The following TUSC3 variants were observed in gnomAD, a reference collection of about 807,000 sequenced individuals.
TUSC3 encodes the protein tumor suppressor candidate 3.
TUSC3 carries 45 observed loss-of-function variants against 44.8 expected under a neutral mutation model. The observed-to-expected ratio is 1.00, with a 90% CI of 0.79 to 1.29. The LOEUF is 1.29. TUSC3 is among the 50% of genes most tolerant of loss of function. The pLI, the probability that TUSC3 is intolerant of heterozygous loss-of-function variation, is 0.00. For missense variants in TUSC3, 519 were observed against 437.9 expected (o/e 1.19, Z -1.65); for synonymous variants, 212 against 152.9 (o/e 1.39, Z -2.85).
intron 6 of TUSC3, among the ~76,000 whole-genome samples, chr8:15,694,493 G>A (rs1184886883): frequency 2.0e-5 from 3 of 151,002 alleles, no homozygotes; most frequent in Non-Finnish European, 2.9e-5. Context: ...CCATTTGGAG[G>A]TAAGAAGACA....
At chr8:15,457,741 T>C (rs898082112) in intron 1 of TUSC3, among the ~76,000 whole-genome samples, 13 of 148,246 alleles carry the variant, frequency 8.8e-5, no homozygotes, top group Non-Finnish European at 1.9e-4. Context: ...AAATATCTAA[T>C]AATTTAAAAT....
chr8:15,493,472 A>G (rs1220443872), intron 2 of TUSC3, among the ~76,000 whole-genome samples: 1 of 152,082 alleles, frequency 6.6e-6, no homozygotes, highest in Non-Finnish European at 1.5e-5. Context: ...TATGTTGCCC[A>G]AGCCGGTCTC....
chr8:15,696,180 G>A (rs538974651), intron 6 of TUSC3, among the ~76,000 whole-genome samples: 8 of 152,264 alleles, frequency 5.3e-5, no homozygotes, highest in Non-Finnish European at 8.8e-5. Context: ...AAATAGTTTC[G>A]TGGGCTGGGC....
At chr8:15,743,107 A>G (rs10111717) in intron 7 of TUSC3, among the ~76,000 whole-genome samples, 35,286 of 152,182 alleles carry the variant, frequency 0.23, 4,503 homozygotes, top group Non-Finnish European at 0.3. Flanking sequence ...AAAGATTTCA[A>G]CTAAACAAAA....
intron 2 of TUSC3, among the ~76,000 whole-genome samples, chr8:15,532,736 C>A (rs1005717981): frequency 6.6e-6 from 1 of 152,166 alleles, no homozygotes; most frequent in East Asian, 1.9e-4. Flanking sequence ...TGGGAGAAAA[C>A]TGATTCACGG....
chr8:15,477,641 G>C (rs988089589), intron 1 of TUSC3, among the ~76,000 whole-genome samples: 1 of 152,106 alleles, frequency 6.6e-6, no homozygotes, highest in Admixed American at 6.6e-5. Flanking sequence ...AGAATGGCGT[G>C]AACCAGGGAG....
chr8:15,777,261 T>TC, the TUSC3 span, among the ~76,000 whole-genome samples: 1 of 151,838 alleles, frequency 6.6e-6, no homozygotes, highest in Non-Finnish European at 1.5e-5. Context: ...TCTTGTAACT[T>TC]CCCCCCCACC....
At position 15,489,182 on chromosome 8, in the gene TUSC3, T is replaced by TA. The variant is rs564645206; in HGVS notation, n.189+5701dup. Among the ~76,000 whole-genome samples, 1,005 of 152,240 alleles carry TA rather than the reference T, an allele frequency of 6.6e-3. 7 individuals are homozygous for TA. Among genetic ancestry groups the TA allele is most frequent in the Non-Finnish European group, 0.011 (724 of 68,012 alleles). On this transcript the variant is annotated intron_variant and non_coding_transcript_variant, in intron 2 of 5. Transcript: ENST00000503191. ...CCAGGTATGCATCAGTCAATACCTG[T>TA]AAGGTCTACATTGGTTCAGTCGGGA...
At chr8:15,451,806 T>G (rs973851066) in intron 1 of TUSC3, among the ~76,000 whole-genome samples, 1 of 152,028 alleles carries the variant, frequency 6.6e-6, no homozygotes, top group Non-Finnish European at 1.5e-5. Context: ...GTGTCTGAGT[T>G]GAGTTAAATG....
At chr8:15,847,753 A>G in the TUSC3 span, among the ~76,000 whole-genome samples, 1 of 152,132 alleles carries the variant, frequency 6.6e-6, no homozygotes, top group Non-Finnish European at 1.5e-5. Context: ...AATTTTCAAT[A>G]TATCTGCTTT....
upstream of TUSC3, among the ~76,000 whole-genome samples, chr8:15,536,757 A>C (rs1223255860): frequency 7.1e-6 from 1 of 141,802 alleles, no homozygotes; most frequent in Non-Finnish European, 1.5e-5. Flanking sequence ...GGAGTCTTGC[A>C]TTATGCCTGT....
At chr8:15,455,412 C>CATACACACCTATGTATACACGTATATGT (rs1325808546) in intron 1 of TUSC3, among the ~76,000 whole-genome samples, 48 of 151,938 alleles carry the variant, frequency 3.2e-4, no homozygotes, top group African/African-American at 1.0e-3. Flanking sequence ...TATATATACA[C>CATACACACCTATGTATACACGTATATGT]ATACACACCT....
rs193090948 is a variant in TUSC3 at position 15,679,978 on chromosome 8, G to A, written c.798+6142G>A. ...TTTGTACCAATACCATGCTGTTTTG[G>A]TTACTGTTGCTTTGTAGTATAGTTT... is the stretch of plus-strand genomic sequence containing the variant. On this transcript the variant is annotated intron_variant, in intron 6 of 10. Transcript: ENST00000503731. 3.9e-5 allele frequency among the ~76,000 whole-genome samples: 6 copies of A among 152,182 alleles called. No individual in the cohort carries two copies. The East Asian group carries it at 5.8e-4, about 15-fold the overall frequency.
chr8:15,473,041 T>C (rs1426765786), intron 1 of TUSC3, among the ~76,000 whole-genome samples: 1 of 152,222 alleles, frequency 6.6e-6, no homozygotes, highest in Non-Finnish European at 1.5e-5. Context: ...TAACAATATA[T>C]GCTGCCTTCA....
At chr8:15,738,827 C>CTTTTTTTTTTCTTTCTTTCTT (rs1373248681) in intron 7 of TUSC3, among the ~76,000 whole-genome samples, 13 of 87,202 alleles carry the variant, frequency 1.5e-4, no homozygotes, top group Admixed American at 7.7e-4. Context: ...ATATATCTTG[C>CTTTTTTTTTTCTTTCTTTCTT]TTTTTTTTTT....
intron 2 of TUSC3, among the ~76,000 whole-genome samples, chr8:15,639,257 T>A (rs1267192978): frequency 6.6e-6 from 1 of 151,980 alleles, no homozygotes; most frequent in Non-Finnish European, 1.5e-5. Context: ...GATGATCATG[T>A]GTCGATGCTA....
chr8:15,585,338 C>G (rs2129148387), intron 1 of TUSC3, among the ~76,000 whole-genome samples: 2 of 152,264 alleles, frequency 1.3e-5, no homozygotes, highest in South Asian at 4.1e-4. Context: ...CAATGCACCA[C>G]AATGTAGCAG....
At chr8:15,816,008 A>G in the TUSC3 span, among the ~76,000 whole-genome samples, 4 of 152,136 alleles carry the variant, frequency 2.6e-5, no homozygotes, top group African/African-American at 9.7e-5. Flanking sequence ...AAGGAGGAAG[A>G]GGTACTAGAT....
intron 2 of TUSC3, among the ~76,000 whole-genome samples, chr8:15,504,596 TATATATATATATATATATATATA>T (rs1263910173): frequency 4.6e-5 from 1 of 21,706 alleles, no homozygotes; most frequent in Admixed American, 4.2e-4. Context: ...TATATATATA[TATATATATATATATATATATATA>T]TATTTTTTTT....
Sources: allele counts gnomAD v4.1 joint callset (sites outside exome capture counted in the v4.1 genomes callset), GRCh38; gene constraint gnomAD v4.1.1; transcripts MANE v1.5; gene names NCBI Gene and HGNC (gene_info 2026-07-23, HGNC 2026-07-21).